RSPRY1: variants seen among roughly 807,000 people sequenced by gnomAD.
RSPRY1 encodes the protein RING finger and SPRY domain-containing protein 1.
In RSPRY1, 23 loss-of-function variants were observed where a neutral mutation model predicts 73.1. That is an observed-to-expected ratio of 0.31 (90% CI 0.23 to 0.45). The LOEUF (loss-of-function observed/expected upper bound fraction) is 0.45. Ranked by LOEUF, RSPRY1 falls within the 20% of genes least tolerant of loss-of-function variation. RSPRY1 has a pLI of 1.00. For synonymous variants in RSPRY1, 226 were observed against 251.4 expected (o/e 0.90, Z 0.95); for missense variants, 448 against 698.7 (o/e 0.64, Z 4.05).
Position 57,216,126 on chromosome 16 carries a change from C to T in RSPRY1, c.722C>T (p.Thr241Ile). The T allele has an allele frequency of 6.2e-7, 1 of 1,607,694 alleles. No homozygotes were observed. The change falls in exon 7 of 15, where the codon ACA (threonine) becomes ATA (isoleucine). Residue 241 changes from threonine to isoleucine, a missense_variant. Coordinates refer to ENST00000394420, the MANE Select transcript of RSPRY1 (RefSeq NM_133368.3). ...TTTCAGAAGTTACAGTCCCACCCCA[C>T]AGTCATGCTTTTTGCACTTATCGCA... ...LQCLKLQSHPTVMLFALIALE... is the reference protein window; with the variant it reads ...LQCLKLQSHPIVMLFALIALE...
chr16:57,219,762 T>G (rs1413773019), intron 8 of RSPRY1: 1 of 152,218 alleles, frequency 6.6e-6, no homozygotes, highest in Non-Finnish European at 1.5e-5. Flanking sequence ...TTCCCCAATG[T>G]TTTATTTTAG....
At chr16:57,189,588 CTTTTCTTTTT>C (rs1415984121) in intron 1 of RSPRY1, among the ~76,000 whole-genome samples, 1 of 108,340 alleles carries the variant, frequency 9.2e-6, no homozygotes, top group Non-Finnish European at 1.9e-5. Context: ...TTTTTCTTTT[CTTTTCTTTTT>C]TTTTTTTTTT....
chr16:57,223,150 T>A (rs1479662246), intron 10 of RSPRY1, among the ~76,000 whole-genome samples: 1 of 152,234 alleles, frequency 6.6e-6, no homozygotes, highest in Non-Finnish European at 1.5e-5. Context: ...GTTGCCATAT[T>A]TAAAACTTTG....
At chr16:57,198,492 CCT>C (rs1386743016) in intron 1 of RSPRY1, among the ~76,000 whole-genome samples, 24 of 152,258 alleles carry the variant, frequency 1.6e-4, no homozygotes, top group African/African-American at 5.5e-4. Context: ...ATCCAACAAA[CCT>C]CTTTTTAACT....
chr16:57,231,471 C>G (rs760987815), intron 13 of RSPRY1, 152 bp downstream of exon 13: 35 of 785,306 alleles, frequency 4.5e-5, no homozygotes, highest in Non-Finnish European at 6.2e-5. Flanking sequence ...TTTCTAAGAT[C>G]GCAGAAGAAA....
At chr16:57,218,603 C>G (rs1213620459) in intron 8 of RSPRY1, among the ~76,000 whole-genome samples, 1 of 151,784 alleles carries the variant, frequency 6.6e-6, no homozygotes, top group Non-Finnish European at 1.5e-5. Context: ...CTTTCTGTGC[C>G]TGACTTATTT....
intron 1 of RSPRY1, 99 bp from the exon 2 acceptor site, chr16:57,204,405 A>T (rs553091076): frequency 4.1e-4 from 170 of 413,858 alleles, no homozygotes; most frequent in African/African-American, 3.1e-3. Flanking sequence ...ATAATTCTTC[A>T]TTAGAATCCT....
intron 11 of RSPRY1, among the ~76,000 whole-genome samples, chr16:57,229,431 A>T (rs1228561593): frequency 2.6e-5 from 4 of 152,066 alleles, no homozygotes; most frequent in Non-Finnish European, 5.9e-5. Context: ...CCTGGGCAAC[A>T]TAATGAGACC....
chr16:57,207,023 C>T (rs1435849977), intron 2 of RSPRY1, among the ~76,000 whole-genome samples: 1 of 152,198 alleles, frequency 6.6e-6, no homozygotes, highest in Non-Finnish European at 1.5e-5. Flanking sequence ...TATTTTGTTA[C>T]ATTTTCATCT....
intron 2 of RSPRY1, among the ~76,000 whole-genome samples, chr16:57,205,848 C>T (rs930474789): frequency 6.6e-6 from 1 of 152,208 alleles, no homozygotes; most frequent in Admixed American, 6.5e-5. Context: ...ATAAGGCATT[C>T]AGTGTGGAGC....
intron 1 of RSPRY1, among the ~76,000 whole-genome samples, chr16:57,187,659 TGTAAA>T (rs2074260656): frequency 6.6e-6 from 1 of 152,164 alleles, no homozygotes; most frequent in African/African-American, 2.4e-5. Flanking sequence ...CTTTCTAAAA[TGTAAA>T]GTAGTATGTA....
rs1567518610 is a variant in RSPRY1, at chr16:57,235,319, G to A, written c.1634+91G>A. 9.2e-6 allele frequency: 8 copies of A among 873,216 alleles called. No individual in the cohort carries two copies. The Admixed American group carries it at 1.1e-4, about 12-fold the overall frequency. The allele number at this position is 873,216 out of a possible 1,614,324, so 54.1% of individuals were successfully genotyped here. On this transcript the variant is annotated intron_variant, in intron 14 of 14. Transcript: ENST00000394420. ...TCAGGGTTTATTGTATCTAAAGCAG[G>A]CTGAATGAGGAACTAGAGTTTAAGT...
Position 57,227,332 on chromosome 16 carries a change from C to T in RSPRY1, c.1162-10C>T, listed in dbSNP as rs1303089608. The T allele has an allele frequency of 6.2e-6, 10 of 1,602,046 alleles. No individual in the cohort carries two copies. The South Asian group carries it at 9.9e-5, about 16-fold the overall frequency. ...GACTTGCTAATCTTCTGGGCCTTGTCTCTCTCCAGGAAGGCTACGGCATTG... is the reference window on the plus strand; with the variant it reads ...GACTTGCTAATCTTCTGGGCCTTGTTTCTCTCCAGGAAGGCTACGGCATTG... On this transcript the variant is annotated splice_polypyrimidine_tract_variant and intron_variant, in intron 10 of 14. Transcript: ENST00000394420.
intron 7 of RSPRY1, 132 bp downstream of exon 7, chr16:57,216,305 G>C (rs2074939670): frequency 1.5e-6 from 1 of 681,384 alleles, no homozygotes; most frequent in Non-Finnish European, 2.6e-6. Context: ...CATCTGGATA[G>C]ACACGTTAAA....
chr16:57,216,763 T>C, intron 7 of RSPRY1, 141 bp from the exon 8 acceptor site: 1 of 787,984 alleles, frequency 1.3e-6, no homozygotes, highest in Non-Finnish European at 2.0e-6. Flanking sequence ...TTGGCTATGT[T>C]TTCCCTAGAA....
chr16:57,206,104 G>A (rs1264422036), intron 2 of RSPRY1, among the ~76,000 whole-genome samples: 6 of 152,182 alleles, frequency 3.9e-5, no homozygotes, highest in Non-Finnish European at 8.8e-5. Flanking sequence ...GTTAGTCTTC[G>A]AGAAGAATAA....
At chr16:57,214,481 A>T (rs1387188517) in intron 6 of RSPRY1, among the ~76,000 whole-genome samples, 12 of 152,210 alleles carry the variant, frequency 7.9e-5, no homozygotes, top group African/African-American at 2.9e-4. Context: ...CTGTATTTTT[A>T]AAAGTTATTT....
intron 13 of RSPRY1, among the ~76,000 whole-genome samples, chr16:57,233,324 AC>A (rs1260180595): frequency 6.6e-6 from 1 of 151,926 alleles, no homozygotes; most frequent in African/African-American, 2.4e-5. Context: ...CAAGTCATCC[AC>A]TCACAGCCAC....
intron 2 of RSPRY1, among the ~76,000 whole-genome samples, chr16:57,206,250 T>G (rs1220178751): frequency 1.3e-5 from 2 of 151,938 alleles, no homozygotes; most frequent in African/African-American, 2.4e-5. Flanking sequence ...CAAAAAAAAT[T>G]TAAAAATTAT....
Sources: allele counts gnomAD v4.1 joint callset (sites outside exome capture counted in the v4.1 genomes callset), GRCh38; gene constraint gnomAD v4.1.1; transcripts MANE v1.5; gene names NCBI Gene and HGNC (gene_info 2026-07-23, HGNC 2026-07-21).